The following MAP2 variants were observed in gnomAD, a reference collection of about 807,000 sequenced individuals.
The protein encoded by MAP2 is microtubule associated protein 2.
A neutral mutation model predicts 137.6 loss-of-function variants in MAP2; 14 were observed. The ratio of observed to expected loss-of-function variants is 0.10; its 90% confidence interval spans 0.07 to 0.16. The LOEUF is 0.16. MAP2 is among the 10% of genes least tolerant of loss of function. The pLI is 1.00. For synonymous variants in MAP2, 786 were observed against 782.3 expected (o/e 1.00, Z -0.08); for missense variants, 2,088 against 2,191.5 (o/e 0.95, Z 0.94).
chr2:209,592,911 C>G (rs1389020565), intron 3 of MAP2, among the ~76,000 whole-genome samples: 2 of 152,088 alleles, frequency 1.3e-5, no homozygotes, highest in Non-Finnish European at 2.9e-5. Flanking sequence ...CTTCCAGAAC[C>G]TATAATGTCT....
chr2:209,555,087 G>A (rs16843082), intron 2 of MAP2, among the ~76,000 whole-genome samples: 2,989 of 151,868 alleles, frequency 0.02, 95 homozygotes, highest in African/African-American at 0.068. Flanking sequence ...CTTCATGTCT[G>A]GAAAATAACA....
chr2:209,673,720 T>G (rs2049950673), intron 5 of MAP2, among the ~76,000 whole-genome samples: 1 of 151,894 alleles, frequency 6.6e-6, no homozygotes, highest in South Asian at 2.1e-4. Flanking sequence ...CCCCAATTTA[T>G]GTGTAATCTA....
In MAP2 at chr2:209,730,473, A is replaced by G. The variant is rs1220314346; in HGVS notation, c.*76A>G. On this transcript the variant is annotated 3_prime_UTR_variant, in exon 16 of 16. Transcript: ENST00000682079. Reference sequence around the variant, plus strand: ...CAGGAGTGGGCTCTGAGCAGTTGTTATATTCATTCTTTATAAACCATAAAA... The same window carrying G: ...CAGGAGTGGGCTCTGAGCAGTTGTTGTATTCATTCTTTATAAACCATAAAA... The G allele has an allele frequency of 2.7e-5, 26 of 958,462 alleles. No individual in the cohort carries two copies. Among genetic ancestry groups the G allele is most frequent in the Non-Finnish European group, 3.7e-5 (23 of 618,916 alleles). The allele number at this position is 958,462 out of a possible 1,614,324, so 59.4% of individuals were successfully genotyped here.
intron 1 of MAP2, among the ~76,000 whole-genome samples, chr2:209,431,352 A>G (rs1443585591): frequency 6.6e-6 from 1 of 152,196 alleles, no homozygotes; most frequent in Admixed American, 6.5e-5. Flanking sequence ...GTGTGTTTAC[A>G]TATCTGGAAA....
chr2:209,623,795 CCTTT>C (rs1437128191), intron 3 of MAP2, among the ~76,000 whole-genome samples: 1 of 152,018 alleles, frequency 6.6e-6, no homozygotes, highest in African/African-American at 2.4e-5. Context: ...GACGGTCAGA[CCTTT>C]CTTTTTAAAA....
At chr2:209,566,418 A>C (rs542760499) in intron 2 of MAP2, among the ~76,000 whole-genome samples, 4 of 152,192 alleles carry the variant, frequency 2.6e-5, no homozygotes, top group Non-Finnish European at 5.9e-5. Flanking sequence ...GCATTCAGCA[A>C]TGCCAGCTAT....
In MAP2 at chr2:209,695,631, C is replaced by T. The variant is rs200843201; in HGVS notation, c.3461C>T (p.Thr1154Ile). ...SLKADEGKKE[T>I]SPESSLIQDE... ...AAAGCTGATGAGGGCAAGAAGGAAACATCTCCAGAATCATCTCTAATTCAA... is the reference window on the plus strand; with the variant it reads ...AAAGCTGATGAGGGCAAGAAGGAAATATCTCCAGAATCATCTCTAATTCAA... Residue 1154 changes from threonine (T) to isoleucine (I), a missense_variant, in exon 8 of 16, where the codon ACA becomes ATA. Coordinates refer to ENST00000682079, the MANE Select transcript of MAP2 (RefSeq NM_001375505.1). The T allele has an allele frequency of 4.6e-5, 74 of 1,614,064 alleles. 3 individuals carry two copies. The South Asian group carries it at 8.0e-4, about 17-fold the overall frequency.
chr2:209,621,122 G>GA (rs1456038506), intron 3 of MAP2, among the ~76,000 whole-genome samples: 4 of 151,662 alleles, frequency 2.6e-5, no homozygotes, highest in Admixed American at 1.3e-4. Flanking sequence ...TTGAACCCTG[G>GA]AGGCGGAGGT....
chr2:209,629,153 C>T (rs978080408), intron 4 of MAP2, among the ~76,000 whole-genome samples: 7 of 152,138 alleles, frequency 4.6e-5, no homozygotes, highest in African/African-American at 1.7e-4. Context: ...GATGAGAAAG[C>T]CAGTTGAAGA....
At position 209,731,650 on chromosome 2, in the gene MAP2, G is replaced by A. The variant is rs893826320; in HGVS notation, c.*1253G>A. On this transcript the variant is annotated 3_prime_UTR_variant, in exon 16 of 16. Coordinates refer to ENST00000682079, the MANE Select transcript of MAP2 (RefSeq NM_001375505.1). ...TTTCTTTTTTTTTCCATTTGCTAAA[G>A]TTGAAAGTTGAAACTAACTATAATA... The A allele has an allele frequency of 1.3e-5, 2 of 152,282 alleles. No homozygotes were observed. The highest frequency in any genetic ancestry group is 4.8e-5 in the African/African-American group (2 of 41,354). 9.4% of individuals were successfully genotyped at this position (152,282 alleles called of 1,614,324 possible).
rs772176261 is a variant in MAP2, at chr2:209,696,031, C to T, written c.3861C>T (p.Ile1287=). 32 of 1,614,034 alleles carry T rather than the reference C, an allele frequency of 2.0e-5. No individual in the cohort carries two copies. The highest frequency in any genetic ancestry group is 3.3e-4 in the Middle Eastern group (2 of 6,062). Residue 1287 remains isoleucine (I), a synonymous_variant, in exon 8 of 16, where the codon ATC becomes ATT. Transcript: ENST00000682079. ...HKGVIESVVT[I]EDDFITVVQT... ...GAGTGATTGAGTCTGTTGTGACCAT[C>T]GAGGATGATTTCATCACTGTAGTGC...
At chr2:209,492,171 A>AAACG (rs2059194474) in intron 1 of MAP2, among the ~76,000 whole-genome samples, 1 of 7,188 alleles carries the variant, frequency 1.4e-4, no homozygotes, top group Admixed American at 2.3e-3. Flanking sequence ...TCCATCACAT[A>AAACG]AAACCAATGA....
chr2:209,698,011 T>TTG (rs2060710755), intron 10 of MAP2, among the ~76,000 whole-genome samples: 1 of 151,510 alleles, frequency 6.6e-6, no homozygotes, highest in African/African-American at 2.4e-5. Flanking sequence ...CAGCTAATTT[T>TTG]TTTTTTTTTT....
intron 1 of MAP2, among the ~76,000 whole-genome samples, chr2:209,465,088 G>A (rs1703798840): frequency 6.6e-6 from 1 of 152,010 alleles, no homozygotes; most frequent in African/African-American, 2.4e-5. Flanking sequence ...TTTTCCAAAG[G>A]TCGTGAATTA....
chr2:209,702,327 T>C (rs990615437), intron 11 of MAP2, among the ~76,000 whole-genome samples: 2 of 152,038 alleles, frequency 1.3e-5, no homozygotes, highest in African/African-American at 4.8e-5. Context: ...TCTTTCTTTT[T>C]TTCTCATTTA....
rs2075906290 is a variant in MAP2, at chr2:209,732,525, C to G, written c.*2128C>G. On this transcript the variant is annotated 3_prime_UTR_variant, in exon 16 of 16. Coordinates refer to ENST00000682079, the MANE Select transcript of MAP2 (RefSeq NM_001375505.1). ...ATCTGGGCAATTTATTCATCAGCTT[C>G]CCTTGAAGTGCACCAGAAAATAGAA... The G allele has an allele frequency of 6.6e-6, 1 of 152,156 alleles. No homozygotes were observed. The highest frequency in any genetic ancestry group is 1.5e-5 in the Non-Finnish European group (1 of 68,028). 9.4% of individuals were successfully genotyped at this position (152,156 alleles called of 1,614,324 possible). A position where few individuals can be genotyped will look rare whatever the true frequency, so the allele number is the denominator to read the frequency against.
chr2:209,634,608 G>T (rs544843704), intron 4 of MAP2, among the ~76,000 whole-genome samples: 3 of 152,056 alleles, frequency 2.0e-5, no homozygotes, highest in Non-Finnish European at 4.4e-5. Flanking sequence ...ACACCTAATC[G>T]CAAGGGAAGT....
intron 1 of MAP2, among the ~76,000 whole-genome samples, chr2:209,468,960 A>T (rs1704927031): frequency 6.6e-6 from 1 of 152,166 alleles, no homozygotes; most frequent in African/African-American, 2.4e-5. Flanking sequence ...AGCTTCCAGG[A>T]TAACATCCAA....
At chr2:209,577,211 A>ATT (rs550211315) in intron 2 of MAP2, among the ~76,000 whole-genome samples, 1,631 of 146,992 alleles carry the variant, frequency 0.011, 31 homozygotes, top group African/African-American at 0.037. Flanking sequence ...TTAAAGGGGC[A>ATT]TTTTTTTTTT....
Sources: gnomAD v4.1 joint callset for allele counts (sites outside exome capture counted in the v4.1 genomes callset) on GRCh38, gnomAD v4.1.1 for gene constraint, MANE v1.5 for transcripts, NCBI Gene and HGNC (gene_info 2026-07-23, HGNC 2026-07-21) for gene names.